Variants in MEIOB observed in about 807,000 individuals in gnomAD.
The protein encoded by MEIOB is meiosis-specific with OB domain-containing protein.
MEIOB carries 50 observed loss-of-function variants against 53.1 expected under a neutral mutation model. That is an observed-to-expected ratio of 0.94 (90% CI 0.75 to 1.19). The LOEUF (loss-of-function observed/expected upper bound fraction) is 1.19. Ranked by LOEUF, MEIOB falls within the 50% of genes most tolerant of loss-of-function variation. The pLI, the probability that MEIOB is intolerant of heterozygous loss-of-function variation, is 0.00. For synonymous variants in MEIOB, 192 were observed against 182.5 expected (o/e 1.05, Z -0.42); for missense variants, 551 against 550.8 (o/e 1.00, Z 0.00).
At chr16:1,870,694 T>C (rs1302950277) in intron 1 of MEIOB, among the ~76,000 whole-genome samples, 2 of 152,212 alleles carry the variant, frequency 1.3e-5, no homozygotes, top group African/African-American at 4.8e-5. Flanking sequence ...AGTTTTTGTA[T>C]TCAAGGCCTT....
chr16:1,835,520 AC>A (rs1898720326), intron 13 of MEIOB, among the ~76,000 whole-genome samples: 1 of 152,212 alleles, frequency 6.6e-6, no homozygotes, highest in Admixed American at 6.5e-5. Context: ...AAAAGTACCA[AC>A]ATCAGGGAAA....
chr16:1,859,321 C>A (rs1361512768), intron 5 of MEIOB, among the ~76,000 whole-genome samples: 1 of 152,092 alleles, frequency 6.6e-6, no homozygotes, highest in Non-Finnish European at 1.5e-5. Context: ...GCGGGCGGAT[C>A]ACTTGAGGTC....
chr16:1,849,092 C>T (rs1899095438), intron 9 of MEIOB, among the ~76,000 whole-genome samples: 1 of 149,598 alleles, frequency 6.7e-6, no homozygotes, highest in South Asian at 2.1e-4. Flanking sequence ...TGAGACCAGC[C>T]TGAGAAACAC....
In MEIOB at chr16:1,854,150, C is replaced by T. The variant is rs1899240221; in HGVS notation, c.579G>A (p.Arg193=). ...TTTCATCATAGAGTCTAACTTCACA[C>T]CTCTGGCCTTTTCTCCGGTCTGAAG... ...FTTSDRRKGQ[R]CEVRLYDETE... is the part of the protein sequence containing the mutation. The change falls in exon 7 of 14, where the codon AGG becomes AGA. Residue 193 remains arginine (R), a synonymous_variant. Coordinates refer to ENST00000325962, the MANE Select transcript of MEIOB (RefSeq NM_001163560.3). The T allele has an allele frequency of 1.3e-6, 2 of 1,551,194 alleles. No homozygotes were observed. Among genetic ancestry groups the T allele is most frequent in the Non-Finnish European group, 1.7e-6 (2 of 1,146,758 alleles).
chr16:1,865,754 A>G lies in MEIOB; in HGVS notation c.127+24T>C, dbSNP rs1485785666. 17 of 1,526,926 alleles carry G rather than the reference A, an allele frequency of 1.1e-5. No homozygotes were observed. In the Admixed American group the frequency reaches 3.4e-4, roughly 30 times the overall value. The allele number at this position is 1,526,926 out of a possible 1,614,324, so 94.6% of individuals were successfully genotyped here. On this transcript the variant is annotated intron_variant, in intron 3 of 13. Transcript: ENST00000325962. The stretch of plus-strand genomic sequence containing the variant: ...TAAGCCAAAGTTGATGAAAAATGAA[A>G]CCAAGAGTTAAACAGAACTCAGCTT...
At chr16:1,868,774 G>C (rs1427255285) in intron 1 of MEIOB, among the ~76,000 whole-genome samples, 1 of 151,706 alleles carries the variant, frequency 6.6e-6, no homozygotes, top group Non-Finnish European at 1.5e-5. Flanking sequence ...AGAATGGCGT[G>C]AACCCGGGAG....
At chr16:1,862,833 G>A (rs1377203413) in intron 3 of MEIOB, among the ~76,000 whole-genome samples, 3 of 151,962 alleles carry the variant, frequency 2.0e-5, no homozygotes, top group African/African-American at 2.4e-5. Context: ...CAGGAGAATC[G>A]CTTGAACCCA....
chr16:1,837,855 C>A lies in MEIOB; in HGVS notation c.1234G>T (p.Ala412Ser). ...GCTGTTTTCTGTTCATCTGTCATTG[C>A]AAGAAACTCATGTACCTGGTTAAAA... ...TLGCTVHEFL[A>S]MTDEQKTALK... The change falls in exon 13 of 14, where the codon GCA becomes TCA. Residue 412 changes from alanine to serine, a missense_variant. Ala to Ser is a moderately conservative substitution (Grantham distance 99). Transcript: ENST00000325962. 6.5e-7 allele frequency: 1 copy of A among 1,528,944 alleles called. No individual in the cohort carries two copies. Among genetic ancestry groups the A allele is most frequent in the South Asian group, 1.3e-5 (1 of 79,648 alleles). The allele number at this position is 1,528,944 out of a possible 1,614,324, so 94.7% of individuals were successfully genotyped here.
chr16:1,853,353 G>T, intron 7 of MEIOB, 82 bp from the exon 8 acceptor site: 1 of 1,154,508 alleles, frequency 8.7e-7, no homozygotes, highest in South Asian at 1.4e-5. Flanking sequence ...AACAATAAAA[G>T]AAAGCTTCAG....
chr16:1,848,050 C>T (rs904064028), intron 9 of MEIOB, among the ~76,000 whole-genome samples: 3 of 152,038 alleles, frequency 2.0e-5, no homozygotes, highest in Non-Finnish European at 4.4e-5. Flanking sequence ...AGGGTTCAAG[C>T]GGTCCTCCTA....
Position 1,847,199 on chromosome 16 carries a change from C to T in MEIOB, c.779-2236G>A, listed in dbSNP as rs182625049. On this transcript the variant is annotated intron_variant, in intron 9 of 13. Transcript: ENST00000325962. ...TTTTTGGGCCGGGCGCTGTGGCTCA[C>T]GCCTGTAATCCCAGAACTGTGGGAG... Among the ~76,000 whole-genome samples the T allele has an allele frequency of 3.3e-5, 5 of 151,834 alleles. No individual in the cohort carries two copies. The East Asian group carries it at 5.8e-4, about 18-fold the overall frequency.
In MEIOB at chr16:1,862,063, G is replaced by A; in HGVS notation, c.181C>T (p.His61Tyr). The A allele has an allele frequency of 6.4e-7, 1 of 1,551,360 alleles. No homozygotes were observed. Among genetic ancestry groups the A allele is most frequent in the Non-Finnish European group, 8.7e-7 (1 of 1,146,726 alleles). ...FSFTIRDSPA[H>Y]FVNAASWGNE... The stretch of plus-strand genomic sequence containing the variant: ...CCCCAGGAAGCTGCATTTACAAAAT[G>A]TGCTGGTGAATCCCGAATGGTGAAG... The change falls in exon 4 of 14, where the codon CAT (histidine) becomes TAT (tyrosine). Residue 61 changes from histidine to tyrosine, a missense_variant. His to Tyr is a moderately conservative substitution (Grantham distance 83). Transcript: ENST00000325962.
intron 6 of MEIOB, among the ~76,000 whole-genome samples, chr16:1,855,987 C>T (rs183703802): frequency 5.1e-5 from 7 of 138,582 alleles, no homozygotes; most frequent in Admixed American, 2.9e-4. Flanking sequence ...AGAAATTACT[C>T]TTGCCTCTTT....
chr16:1,845,164 T>C (rs1210059221), intron 9 of MEIOB, among the ~76,000 whole-genome samples: 1 of 152,212 alleles, frequency 6.6e-6, no homozygotes, highest in East Asian at 1.9e-4. Context: ...CTAAAACAGA[T>C]GTTAGTGAAA....
rs776088154 is a variant in MEIOB, at chr16:1,844,889, C to T, written c.853G>A (p.Asp285Asn). Residue 285 changes from aspartate (D) to asparagine (N), a missense_variant, in exon 10 of 14, where the codon GAC becomes AAC. Physicochemically the swap from Asp to Asn is conservative, Grantham distance 23. Transcript: ENST00000325962. ...TTTATGGATTCTTTGAAATAACTGT[C>T]AATTTCATCATCCAGAACATTCGTT... is the stretch of plus-strand genomic sequence containing the variant. ...KETNVLDDEI[D>N]SYFKESINLS... 2 of 1,556,508 alleles carry T rather than the reference C, an allele frequency of 1.3e-6. No homozygotes were observed. Among genetic ancestry groups the T allele is most frequent in the Non-Finnish European group, 8.8e-7 (1 of 1,135,094 alleles).
intron 9 of MEIOB, among the ~76,000 whole-genome samples, chr16:1,848,544 C>CTTTTTTTT (rs749481002): frequency 1.5e-5 from 2 of 129,740 alleles, no homozygotes; most frequent in African/African-American, 5.8e-5. Context: ...TTTTTTTTTC[C>CTTTTTTTT]TTTTTTTTTT....
At chr16:1,863,354 G>GAA (rs370413820) in intron 3 of MEIOB, among the ~76,000 whole-genome samples, 1 of 146,550 alleles carries the variant, frequency 6.8e-6, no homozygotes, top group Non-Finnish European at 1.5e-5. Context: ...GCTAATTTTT[G>GAA]TTTTTTGTTT....
intron 3 of MEIOB, among the ~76,000 whole-genome samples, chr16:1,863,958 G>A (rs982516634): frequency 2.6e-5 from 4 of 152,008 alleles, no homozygotes; most frequent in Non-Finnish European, 5.9e-5. Context: ...CAAGGAGTTC[G>A]AGACTGGGCA....
chr16:1,868,493 A>G (rs1479363289), intron 1 of MEIOB, among the ~76,000 whole-genome samples: 1 of 152,062 alleles, frequency 6.6e-6, no homozygotes. Flanking sequence ...GCACTACTGC[A>G]CTCCAGCCTG....
Sources: allele counts gnomAD v4.1 joint callset (sites outside exome capture counted in the v4.1 genomes callset), GRCh38; gene constraint gnomAD v4.1.1; transcripts MANE v1.5; gene names NCBI Gene and HGNC (gene_info 2026-07-23, HGNC 2026-07-21).